The following CCDC63 variants were observed in gnomAD, a reference collection of about 807,000 sequenced individuals.
CCDC63 encodes coiled-coil domain-containing protein 63.
A neutral mutation model predicts 63.6 loss-of-function variants in CCDC63; 54 were observed. The observed-to-expected ratio is 0.85, with a 90% CI of 0.68 to 1.07. The LOEUF (loss-of-function observed/expected upper bound fraction) is 1.07, where lower values mean the gene tolerates loss of function less well. Ranked by LOEUF, CCDC63 falls within the 50% of genes least tolerant of loss-of-function variation. The probability of loss-of-function intolerance (pLI) is 0.00; values close to 1 mark genes in which losing one functional copy is unlikely to be tolerated. For synonymous variants in CCDC63, 253 were observed against 266.1 expected, an observed-to-expected ratio of 0.95 and a Z score of 0.48; for missense variants, 637 against 689.6, an observed-to-expected ratio of 0.92 and a Z score of 0.86.
Position 110,880,061 on chromosome 12 carries a change from G to A in CCDC63, c.645G>A (p.Glu215=), listed in dbSNP as rs753385169. ...MEKKTMNLAI[E]QSSQAYEQRV... The stretch of plus-strand genomic sequence containing the variant: ...AGAAAACCATGAACTTGGCCATTGA[G>A]CAATCTTCTCAGGCCTATGAGCAGA... The change falls in exon 6 of 12, where the codon GAG becomes GAA. Residue 215 remains glutamate (E), a synonymous_variant. Coordinates refer to ENST00000308208, the MANE Select transcript of CCDC63 (RefSeq NM_152591.3). The A allele has an allele frequency of 2.5e-6, 4 of 1,614,126 alleles. No individual in the cohort carries two copies. Among genetic ancestry groups the A allele is most frequent in the Middle Eastern group, 3.3e-4 (2 of 6,052 alleles).
At position 110,898,922 on chromosome 12, in the gene CCDC63, T is replaced by G; in HGVS notation, c.1150-11T>G. On this transcript the variant is annotated splice_polypyrimidine_tract_variant and intron_variant, in intron 9 of 11. Transcript: ENST00000308208. The stretch of plus-strand genomic sequence containing the variant: ...CCTCCTGAGCAGGTGGGAATTGGGG[T>G]CTGCCACCAGGATAAACTGAGGAAG... 1.3e-6 allele frequency: 2 copies of G among 1,562,832 alleles called. No homozygotes were observed. Among genetic ancestry groups the G allele is most frequent in the East Asian group, 2.3e-5 (1 of 42,704 alleles).
intron 4 of CCDC63, among the ~76,000 whole-genome samples, chr12:110,871,215 C>G (rs1007459090): frequency 6.6e-6 from 1 of 152,140 alleles, no homozygotes; most frequent in African/African-American, 2.4e-5. Flanking sequence ...AATCTTGGCT[C>G]ACTGCAAGCT....
rs143887767 is a variant in CCDC63 at position 110,869,910 on chromosome 12, G to A, written c.370-3932G>A. Reference sequence around the variant, plus strand: ...TTTATTTATCAATTATTTTTAATAAGCTTTTTATTTTGGCATACTTTAAAA... The same window carrying A: ...TTTATTTATCAATTATTTTTAATAAACTTTTTATTTTGGCATACTTTAAAA... On this transcript the variant is annotated intron_variant, in intron 4 of 11. Transcript: ENST00000308208. Among the ~76,000 whole-genome samples the A allele has an allele frequency of 1.2e-3, 189 of 152,222 alleles. 1 individual carries two copies. Among genetic ancestry groups the A allele is most frequent in the African/African-American group, 4.4e-3 (181 of 41,524 alleles).
At chr12:110,883,385 C>T (rs1310296384) in intron 7 of CCDC63, among the ~76,000 whole-genome samples, 1 of 152,110 alleles carries the variant, frequency 6.6e-6, no homozygotes, top group African/African-American at 2.4e-5. Context: ...GTTGTCCATG[C>T]TGGTCTTGAA....
At chr12:110,858,517 T>A in intron 3 of CCDC63, 69 bp from the exon 4 acceptor site, 1 of 1,414,682 alleles carries the variant, frequency 7.1e-7, no homozygotes, top group Non-Finnish European at 9.6e-7. Flanking sequence ...GCAGGGCTGA[T>A]GTGCCTGGAG....
chr12:110,856,087 CTTTTTTTT>C (rs540538418), intron 3 of CCDC63, among the ~76,000 whole-genome samples: 2 of 130,370 alleles, frequency 1.5e-5, no homozygotes, highest in East Asian at 4.4e-4. Flanking sequence ...TTTTTTTTTT[CTTTTTTTT>C]TTTTTTTTGA....
chr12:110,851,387 C>T (rs376824387), intron 1 of CCDC63, among the ~76,000 whole-genome samples: 27 of 152,158 alleles, frequency 1.8e-4, no homozygotes, highest in African/African-American at 5.6e-4. Flanking sequence ...CCTTATCCAC[C>T]GAGGTTCAAG....
At chr12:110,868,742 AGAGGGG>A (rs1442629454) in intron 4 of CCDC63, among the ~76,000 whole-genome samples, 31 of 17,620 alleles carry the variant, frequency 1.8e-3, no homozygotes, top group Admixed American at 4.7e-3. Flanking sequence ...AGGGAGAGGG[AGAGGGG>A]GAGGGGAAGG....
intron 4 of CCDC63, among the ~76,000 whole-genome samples, chr12:110,869,682 G>C (rs1246414791): frequency 6.6e-6 from 1 of 152,160 alleles, no homozygotes; most frequent in East Asian, 1.9e-4. Context: ...GGCTGGGAGT[G>C]TTTGGGTCTG....
intron 9 of CCDC63, among the ~76,000 whole-genome samples, chr12:110,896,644 G>A (rs1319688704): frequency 3.3e-5 from 5 of 152,196 alleles, no homozygotes; most frequent in African/African-American, 7.2e-5. Context: ...AAATACCCTA[G>A]AACAGTGATC....
intron 5 of CCDC63, among the ~76,000 whole-genome samples, chr12:110,875,524 C>G (rs1311876421): frequency 6.6e-6 from 1 of 151,944 alleles, no homozygotes; most frequent in Non-Finnish European, 1.5e-5. Context: ...CTCACTGCAG[C>G]CTCAGAGGTC....
intron 1 of CCDC63, among the ~76,000 whole-genome samples, chr12:110,848,639 C>G (rs537442500): frequency 6.6e-6 from 1 of 152,312 alleles, no homozygotes; most frequent in South Asian, 2.1e-4. Flanking sequence ...CACAAACAGG[C>G]TACGTTCGCC....
chr12:110,866,663 G>A (rs1254187669), intron 4 of CCDC63, among the ~76,000 whole-genome samples: 1 of 151,474 alleles, frequency 6.6e-6, no homozygotes, highest in South Asian at 2.1e-4. Context: ...AGTATCCCAA[G>A]GCAGAGGAAT....
intron 8 of CCDC63, among the ~76,000 whole-genome samples, chr12:110,885,661 G>C (rs1308678806): frequency 6.6e-6 from 1 of 152,008 alleles, no homozygotes; most frequent in Non-Finnish European, 1.5e-5. Flanking sequence ...ATGAAATCCT[G>C]CTCATTAGTC....
chr12:110,902,960 G>A (rs933123331), intron 10 of CCDC63, among the ~76,000 whole-genome samples: 3 of 151,252 alleles, frequency 2.0e-5, no homozygotes, highest in Non-Finnish European at 4.4e-5. Context: ...TTGGCTCACT[G>A]CAGCCTCTGC....
At chr12:110,901,243 C>T (rs901971366) in intron 10 of CCDC63, among the ~76,000 whole-genome samples, 2 of 151,988 alleles carry the variant, frequency 1.3e-5, no homozygotes, top group East Asian at 1.9e-4. Context: ...GAAAACGGGG[C>T]GTCCATCCCC....
intron 1 of CCDC63, among the ~76,000 whole-genome samples, chr12:110,850,169 T>C (rs2070688516): frequency 6.6e-6 from 1 of 152,222 alleles, no homozygotes. Context: ...GGACCTGTCT[T>C]GTGGCTCTGC....
At chr12:110,881,537 T>A (rs901916785) in intron 7 of CCDC63, among the ~76,000 whole-genome samples, 3 of 152,152 alleles carry the variant, frequency 2.0e-5, no homozygotes, top group Admixed American at 6.5e-5. Context: ...CTGACCAACA[T>A]GGTGAAACCC....
chr12:110,864,960 C>T (rs1398507824), intron 4 of CCDC63, among the ~76,000 whole-genome samples: 3 of 152,284 alleles, frequency 2.0e-5, no homozygotes, highest in Non-Finnish European at 2.9e-5. Context: ...CAATTCCAGG[C>T]ACCACACCCA....
Sources: gnomAD v4.1 joint callset for allele counts (sites outside exome capture counted in the v4.1 genomes callset) on GRCh38, gnomAD v4.1.1 for gene constraint, MANE v1.5 for transcripts, NCBI Gene and HGNC (gene_info 2026-07-23, HGNC 2026-07-21) for gene names.